Variants in UNC79 observed in about 807,000 individuals in gnomAD.
UNC79 encodes unc-79 subunit of NALCN channel complex, also known as protein unc-79 homolog.
A neutral mutation model predicts 283.1 loss-of-function variants in UNC79; 37 were observed. The ratio of observed to expected loss-of-function variants is 0.13; its 90% CI spans 0.10 to 0.17. The LOEUF is 0.17. UNC79 is among the 10% of genes least tolerant of loss of function. UNC79 has a pLI of 1.00. For missense variants in UNC79, 2,272 were observed against 3,211.1 expected, an observed-to-expected ratio of 0.71 and a Z score of 7.07; for synonymous variants, 1,107 against 1,200.2, an observed-to-expected ratio of 0.92 and a Z score of 1.61.
intron 14 of UNC79, among the ~76,000 whole-genome samples, chr14:93,548,107 A>C (rs1466432578): frequency 6.6e-6 from 1 of 152,198 alleles, no homozygotes; most frequent in Admixed American, 6.5e-5. Context: ...TTTGGGCTGC[A>C]AAAAAATACC....
At chr14:93,614,562 A>C (rs148232992) in intron 27 of UNC79, among the ~76,000 whole-genome samples, 118 of 149,416 alleles carry the variant, frequency 7.9e-4, no homozygotes, top group African/African-American at 2.5e-3. Flanking sequence ...CAAGTGATCC[A>C]CCCACCTTGG....
intron 47 of UNC79, among the ~76,000 whole-genome samples, chr14:93,700,438 TA>T (rs2075444732): frequency 6.6e-6 from 1 of 152,238 alleles, no homozygotes; most frequent in Non-Finnish European, 1.5e-5. Flanking sequence ...ATAACTGTTT[TA>T]ATGTCCTTGT....
chr14:93,424,798 C>T (rs1190265080), intron 1 of UNC79, among the ~76,000 whole-genome samples: 1 of 151,928 alleles, frequency 6.6e-6, no homozygotes, highest in African/African-American at 2.4e-5. Flanking sequence ...CTAGTATTTG[C>T]TAGCTCAGTA....
chr14:93,385,054 T>C (rs2054741103), intron 1 of UNC79, among the ~76,000 whole-genome samples: 1 of 152,258 alleles, frequency 6.6e-6, no homozygotes, highest in South Asian at 2.1e-4. Flanking sequence ...TCTCTTTTTA[T>C]GCCAGTACCA....
At chr14:93,427,129 A>G (rs1368402352), upstream of UNC79, among the ~76,000 whole-genome samples, 3 of 152,198 alleles carry the variant, frequency 2.0e-5, no homozygotes, top group African/African-American at 4.8e-5. Flanking sequence ...TGTGTGGTTC[A>G]GAGATCAGCT....
intron 22 of UNC79, among the ~76,000 whole-genome samples, chr14:93,588,634 G>A (rs1414347047): frequency 6.6e-6 from 1 of 151,402 alleles, no homozygotes; most frequent in African/African-American, 2.4e-5. Context: ...CCAGCTACTC[G>A]GGAGGCTGAA....
chr14:93,552,968 C>T (rs527977374), intron 14 of UNC79, among the ~76,000 whole-genome samples: 6 of 152,292 alleles, frequency 3.9e-5, no homozygotes, highest in African/African-American at 4.8e-5. Context: ...GGGGTTTTAT[C>T]GGCTTTAGAA....
At chr14:93,625,799 G>A (rs893338202) in intron 30 of UNC79, among the ~76,000 whole-genome samples, 8 of 152,152 alleles carry the variant, frequency 5.3e-5, no homozygotes, top group African/African-American at 1.7e-4. Flanking sequence ...AACACAACCT[G>A]TGTTAAATCC....
intron 15 of UNC79, 49 bp downstream of exon 15, chr14:93,572,133 G>T: frequency 6.3e-7 from 1 of 1,586,356 alleles, no homozygotes; most frequent in Non-Finnish European, 8.6e-7. Context: ...CATATCTAAC[G>T]TTTGGTGAGC....
exon 25 of UNC79, chr14:93,600,726 C>T: frequency 1.2e-6 from 2 of 1,613,746 alleles, no homozygotes; most frequent in Non-Finnish European, 1.7e-6. Context: ...TCTTTGGAAG[C>T]CCAGCTACAT....
chr14:93,461,020 G>A lies in UNC79; in HGVS notation c.23-6651G>A, dbSNP rs141475827. Among the ~76,000 whole-genome samples the A allele has an allele frequency of 1.6e-3, 238 of 152,262 alleles. 2 individuals are homozygous for A. Among genetic ancestry groups the A allele is most frequent in the African/African-American group, 5.1e-3 (213 of 41,552 alleles). ...ATAAAACCATTAAAATGATGATATA[G>A]AAGTGCATAGAAAGTGAGGAAAACA... On this transcript the variant is annotated intron_variant, in intron 1 of 48. Coordinates refer to ENST00000555664, the Ensembl canonical transcript of UNC79.
intron 20 of UNC79, among the ~76,000 whole-genome samples, chr14:93,585,071 G>A (rs1404458593): frequency 6.6e-6 from 1 of 152,082 alleles, no homozygotes; most frequent in Non-Finnish European, 1.5e-5. Context: ...CACATGCTTT[G>A]TTCTCCCCTG....
At chr14:93,457,226 G>C (rs1443062860) in intron 1 of UNC79, among the ~76,000 whole-genome samples, 1 of 152,174 alleles carries the variant, frequency 6.6e-6, no homozygotes, top group Non-Finnish European at 1.5e-5. Context: ...ATTAAATGCT[G>C]GATGTGCTAA....
intron 32 of UNC79, among the ~76,000 whole-genome samples, chr14:93,640,852 C>G (rs2068957917): frequency 6.6e-6 from 1 of 152,086 alleles, no homozygotes. Context: ...TCCCCTTTGT[C>G]TTTCATCTTT....
chr14:93,335,551 C>G (rs889541047), intron 1 of UNC79, among the ~76,000 whole-genome samples: 2 of 152,196 alleles, frequency 1.3e-5, no homozygotes, highest in African/African-American at 4.8e-5. Context: ...TCAGATAGAT[C>G]TGGATGGCCA....
chr14:93,668,870 T>C (rs553511514), intron 40 of UNC79, among the ~76,000 whole-genome samples: 78 of 145,846 alleles, frequency 5.3e-4, no homozygotes, highest in Non-Finnish European at 9.7e-4. Flanking sequence ...AAAAAAATTA[T>C]CCTCTAGTCC....
At chr14:93,706,747 A>G in exon 49 of UNC79, 1 of 1,614,198 alleles carries the variant, frequency 6.2e-7, no homozygotes, top group Non-Finnish European at 8.5e-7. Flanking sequence ...GCTATTCAGA[A>G]CCACGTGAAC....
intron 1 of UNC79, among the ~76,000 whole-genome samples, chr14:93,345,468 T>C (rs978980125): frequency 5.3e-5 from 8 of 152,224 alleles, no homozygotes; most frequent in East Asian, 1.9e-4. Context: ...GATAACTTTT[T>C]AAAAGTTCAG....
At chr14:93,562,607 C>T (rs144402401) in intron 14 of UNC79, among the ~76,000 whole-genome samples, 67 of 152,058 alleles carry the variant, frequency 4.4e-4, no homozygotes, top group Middle Eastern at 3.4e-3. Flanking sequence ...AGATTGAGGA[C>T]GGTAAGAGAT....
Sources: allele counts gnomAD v4.1 joint callset (sites outside exome capture counted in the v4.1 genomes callset), GRCh38; gene constraint gnomAD v4.1.1; transcripts MANE v1.5; gene names NCBI Gene and HGNC (gene_info 2026-07-23, HGNC 2026-07-21).